The following GLYATL2 variants were observed in gnomAD, a reference collection of about 807,000 sequenced individuals.
GLYATL2 encodes glycine N-acyltransferase-like protein 2.
In GLYATL2, 25 loss-of-function variants were observed where a neutral mutation model predicts 21.4. That is an observed-to-expected ratio of 1.17 (90% CI 0.85 to 1.63). GLYATL2 has a LOEUF of 1.63. Ranked by LOEUF, GLYATL2 falls within the 40% of genes most tolerant of loss-of-function variation. The pLI, the probability that GLYATL2 is intolerant of heterozygous loss-of-function variation, is 0.00. For synonymous variants in GLYATL2, 114 were observed against 118.2 expected (o/e 0.96, Z 0.23); for missense variants, 361 against 343.3 (o/e 1.05, Z -0.41).
At chr11:58,864,581 CTG>C (rs1853991544) in intron 1 of GLYATL2, among the ~76,000 whole-genome samples, 1 of 149,184 alleles carries the variant, frequency 6.7e-6, no homozygotes, top group African/African-American at 2.4e-5. Flanking sequence ...GGTTGCCTGT[CTG>C]TGTGCTCTGC....
chr11:58,871,552 T>C (rs1013602421), intron 1 of GLYATL2, among the ~76,000 whole-genome samples: 109 of 151,824 alleles, frequency 7.2e-4, no homozygotes, highest in Non-Finnish European at 1.5e-4. Context: ...TTTGTCCTTG[T>C]GATAGTTTGC....
intron 1 of GLYATL2, among the ~76,000 whole-genome samples, chr11:58,873,496 G>A (rs990740128): frequency 6.6e-6 from 1 of 152,132 alleles, no homozygotes; most frequent in South Asian, 2.1e-4. Context: ...TTAGCATGAA[G>A]GGCTGTTGAA....
At position 58,894,476 on chromosome 11, in the gene GLYATL2, C is replaced by CCAAAAAAAA. The variant is rs5792135; in HGVS notation, n.60+9679_60+9680insTTTTTTTTG. Reference sequence around the variant, plus strand: ...ATTACTGTGAACATTGCAGCTATAGCAAAAAAAAAAAAAAAAAGCATTTTC... The same window carrying CCAAAAAAAA: ...ATTACTGTGAACATTGCAGCTATAGCCAAAAAAAAAAAAAAAAAAAAAAAAAGCATTTTC... On this transcript the variant is annotated intron_variant and non_coding_transcript_variant, in intron 1 of 4. Transcript: ENST00000533636. Among the ~76,000 whole-genome samples, 68 of 116,518 alleles carry CCAAAAAAAA rather than the reference C, an allele frequency of 5.8e-4. 27 individuals are homozygous for CCAAAAAAAA. Among genetic ancestry groups the CCAAAAAAAA allele is most frequent in the Non-Finnish European group, 5.2e-4 (30 of 57,902 alleles). The allele number at this position is 116,518 out of a possible 152,430, so 76.4% of individuals were successfully genotyped here. A position where few individuals can be genotyped will look rare whatever the true frequency, so the allele number is the denominator to read the frequency against.
chr11:58,852,764 TAAC>T (rs1274818479), intron 1 of GLYATL2, among the ~76,000 whole-genome samples: 1 of 152,204 alleles, frequency 6.6e-6, no homozygotes, highest in East Asian at 1.9e-4. Flanking sequence ...CTTTAATCGT[TAAC>T]TACTTCCCTA....
In GLYATL2 at chr11:58,834,759, AT is replaced by A. The variant is rs1319531737; in HGVS notation, c.554del (p.Asn185MetfsTer5). The A allele has an allele frequency of 6.2e-7, 1 of 1,613,894 alleles. No homozygotes were observed. The highest frequency in any genetic ancestry group is 8.5e-7 in the Non-Finnish European group (1 of 1,179,872). Reference sequence around the variant, plus strand: ...GTTCAATATATTTCAAGCTCCTCTCATTTTTCCCAAAGGCCCAGTGTTCATT... The same window carrying A: ...GTTCAATATATTTCAAGCTCCTCTCATTTTCCCAAAGGCCCAGTGTTCATT... Reference protein sequence around the residue: ...LVNEHWAFGKNERSLKYIERC... With the variant: ...LVNEHWAFGKXERSLKYIERC... On this transcript the variant is annotated frameshift_variant, in exon 6 of 6. Coordinates refer to ENST00000287275, the MANE Select transcript of GLYATL2 (RefSeq NM_145016.4). LOFTEE classifies it low-confidence loss of function (END_TRUNC).
chr11:58,893,203 G>T lies in GLYATL2; in HGVS notation n.60+10953C>A, dbSNP rs1015056396. On this transcript the variant is annotated intron_variant and non_coding_transcript_variant, in intron 1 of 4. Transcript: ENST00000533636. The stretch of plus-strand genomic sequence containing the variant: ...TATCCTGGGTCCACAGGGGGCCCTG[G>T]TCTCATGGATAACCATGGACTCTTC... 3 of 324,804 alleles carry T rather than the reference G, an allele frequency of 9.2e-6. No individual in the cohort carries two copies. The East Asian group carries it at 1.7e-4, about 18-fold the overall frequency. 20.1% of individuals were successfully genotyped at this position (324,804 alleles called of 1,614,324 possible). A position where few individuals can be genotyped will look rare whatever the true frequency, so the allele number is the denominator to read the frequency against.
chr11:58,888,581 A>G (rs2134619399), intron 1 of GLYATL2, among the ~76,000 whole-genome samples: 1 of 152,088 alleles, frequency 6.6e-6, no homozygotes, highest in Non-Finnish European at 1.5e-5. Flanking sequence ...CTACTGAAAC[A>G]TAAATCTCTA....
chr11:58,905,723 G>A (rs1274571346), upstream of GLYATL2: 11 of 218,878 alleles, frequency 5.0e-5, no homozygotes, highest in Admixed American at 4.6e-4. Context: ...GACCGGGATG[G>A]GTCATCTGGA....
intron 1 of GLYATL2, among the ~76,000 whole-genome samples, chr11:58,888,434 A>AG (rs1479060975): frequency 6.6e-6 from 1 of 151,980 alleles, no homozygotes; most frequent in Admixed American, 6.6e-5. Flanking sequence ...TCTTACAGTG[A>AG]GTTAATTTTT....
chr11:58,898,979 A>AT (rs1243282898), intron 1 of GLYATL2, among the ~76,000 whole-genome samples: 3 of 152,132 alleles, frequency 2.0e-5, no homozygotes, highest in East Asian at 3.9e-4. Flanking sequence ...ATACGCAAAT[A>AT]TTTTTTCTTT....
chr11:58,846,832 C>G (rs1232318939), upstream of GLYATL2, among the ~76,000 whole-genome samples: 3 of 152,112 alleles, frequency 2.0e-5, no homozygotes, highest in African/African-American at 7.2e-5. Context: ...TGGGGGGACA[C>G]TTGACATACT....
intron 1 of GLYATL2, among the ~76,000 whole-genome samples, chr11:58,863,889 C>A (rs1394841792): frequency 6.6e-6 from 1 of 152,176 alleles, no homozygotes; most frequent in Non-Finnish European, 1.5e-5. Context: ...CCTGGGTCTG[C>A]TGGAGGATGG....
intron 1 of GLYATL2, among the ~76,000 whole-genome samples, chr11:58,894,476 C>CCAAA (rs5792135): frequency 0.014 from 1,610 of 116,542 alleles, 344 homozygotes; most frequent in Middle Eastern, 0.054. Flanking sequence ...GCAGCTATAG[C>CCAAA]AAAAAAAAAA....
chr11:58,901,718 C>T (rs567715441), intron 1 of GLYATL2, among the ~76,000 whole-genome samples: 3 of 152,254 alleles, frequency 2.0e-5, no homozygotes, highest in Admixed American at 1.3e-4. Flanking sequence ...GCAAATTATC[C>T]TGTCCTAATC....
At chr11:58,897,211 G>A (rs1390913251) in intron 1 of GLYATL2, among the ~76,000 whole-genome samples, 1 of 152,268 alleles carries the variant, frequency 6.6e-6, no homozygotes, top group African/African-American at 2.4e-5. Context: ...ATGAAGAAGA[G>A]AAAGTAGGTT....
chr11:58,902,052 A>G (rs1479924634), intron 1 of GLYATL2, among the ~76,000 whole-genome samples: 1 of 152,090 alleles, frequency 6.6e-6, no homozygotes, highest in Non-Finnish European at 1.5e-5. Flanking sequence ...TTGTCTTCCT[A>G]AGATAGGATG....
chr11:58,842,796 G>A (rs1853577655), intron 1 of GLYATL2, among the ~76,000 whole-genome samples: 1 of 152,040 alleles, frequency 6.6e-6, no homozygotes, highest in Non-Finnish European at 1.5e-5. Context: ...AGAGGCAAGA[G>A]GTGCTCCTTA....
At chr11:58,872,056 G>T (rs1304150013) in intron 1 of GLYATL2, among the ~76,000 whole-genome samples, 1 of 152,128 alleles carries the variant, frequency 6.6e-6, no homozygotes, top group Non-Finnish European at 1.5e-5. Flanking sequence ...ATTTTTTCAT[G>T]TGTTTTTGGC....
At chr11:58,863,914 GC>G (rs1333773602) in intron 1 of GLYATL2, among the ~76,000 whole-genome samples, 2 of 152,214 alleles carry the variant, frequency 1.3e-5, no homozygotes, top group Non-Finnish European at 2.9e-5. Flanking sequence ...ATAGGAACTG[GC>G]CCTGGAGAGT....
Sources: gnomAD v4.1 joint callset for allele counts (sites outside exome capture counted in the v4.1 genomes callset) on GRCh38, gnomAD v4.1.1 for gene constraint, MANE v1.5 for transcripts, NCBI Gene and HGNC (gene_info 2026-07-23, HGNC 2026-07-21) for gene names.